THYN1: variants seen among roughly 807,000 people sequenced by gnomAD.
THYN1 encodes the protein thymocyte protein thy28.
In THYN1, 32 loss-of-function variants were observed where a neutral mutation model predicts 30.6. That is an observed-to-expected ratio of 1.05 (90% CI 0.79 to 1.40). The LOEUF (loss-of-function observed/expected upper bound fraction) is 1.40. Ranked by LOEUF, THYN1 falls within the 40% of genes most tolerant of loss-of-function variation. THYN1 has a pLI of 0.00. For synonymous variants in THYN1, 107 were observed against 90.8 expected (o/e 1.18, Z -1.01); for missense variants, 259 against 272.6 (o/e 0.95, Z 0.35).
chr11:134,249,758 T>C lies in THYN1; in HGVS notation c.384+70A>G, dbSNP rs1180563178. ...TTTTTTGTTGCCTAATTAAGGTATATCCCTTTATATCTACTTAAGTTAGTC... is the reference window on the plus strand; with the variant it reads ...TTTTTTGTTGCCTAATTAAGGTATACCCCTTTATATCTACTTAAGTTAGTC... On this transcript the variant is annotated intron_variant, in intron 4 of 6. Transcript: ENST00000341541. The C allele has an allele frequency of 4.1e-6, 6 of 1,462,512 alleles. No homozygotes were observed. The African/African-American group carries it at 4.2e-5, about 10-fold the overall frequency. The allele number at this position is 1,462,512 out of a possible 1,614,324, so 90.6% of individuals were successfully genotyped here.
rs1565361741 is a variant in THYN1 at position 134,248,891 on chromosome 11, T to C, written c.549A>G (p.Gln183=). The C allele has an allele frequency of 7.4e-6, 12 of 1,614,092 alleles. No individual in the cohort carries two copies. Among genetic ancestry groups the C allele is most frequent in the Non-Finnish European group, 1.0e-5 (12 of 1,180,038 alleles). ...IPLAELKSYH[Q]AHKATGGPLK... ...AGGGGCCACCAGTAGCTTTGTGAGC[T>C]TGATGATAGGATTTGAGCTCAGCCA... Residue 183 remains glutamine, a synonymous_variant, in exon 6 of 7, where the codon CAA becomes CAG. Coordinates refer to ENST00000341541, the MANE Select transcript of THYN1 (RefSeq NM_014174.3).
intron 1 of THYN1, among the ~76,000 whole-genome samples, chr11:134,252,472 A>C (rs551712404): frequency 6.6e-6 from 1 of 152,238 alleles, no homozygotes; most frequent in South Asian, 2.1e-4. Context: ...CTGGGCTCAA[A>C]TTCCACATCC....
At chr11:134,252,748 C>G (rs1939159403) in intron 1 of THYN1, 92 bp downstream of exon 1, 2 of 1,438,926 alleles carry the variant, frequency 1.4e-6, no homozygotes, top group East Asian at 2.3e-5. Flanking sequence ...AAAGGGTTCT[C>G]AAAAAGCAGG....
chr11:134,251,093 C>T, intron 2 of THYN1, 37 bp downstream of exon 2: 1 of 1,554,782 alleles, frequency 6.4e-7, no homozygotes, highest in Non-Finnish European at 8.7e-7. Context: ...ATTTAAAAAA[C>T]ACCATGAAGG....
chr11:134,249,999 T>G (rs1938976077), intron 3 of THYN1, 79 bp from the exon 4 acceptor site: 1 of 1,385,804 alleles, frequency 7.2e-7, no homozygotes, highest in Non-Finnish European at 1.0e-6. Flanking sequence ...AAGTCTGCTT[T>G]TAATAGATGG....
At position 134,249,193 on chromosome 11, in the gene THYN1, T is replaced by G. The variant is rs750490871; in HGVS notation, c.454A>C (p.Lys152Gln). Residue 152 changes from lysine (K) to glutamine (Q), a missense_variant, in exon 5 of 7, where the codon AAA (lysine) becomes CAA (glutamine). Physicochemically the swap from Lys to Gln is moderately conservative, Grantham distance 53. Coordinates refer to ENST00000341541, the MANE Select transcript of THYN1 (RefSeq NM_014174.3). Reference protein sequence around the residue: ...KNNPHYDPSSKEDNPKWSMVD... With the variant: ...KNNPHYDPSSQEDNPKWSMVD... ...ATGGACCACTTAGGGTTGTCCTCTT[T>G]GCTAGATGGGTCATAATGGGGATTG... 1 of 1,614,114 alleles carries G rather than the reference T, an allele frequency of 6.2e-7. No homozygotes were observed.
intron 3 of THYN1, 140 bp downstream of exon 3, chr11:134,250,135 G>T: frequency 9.9e-7 from 1 of 1,013,992 alleles, no homozygotes; most frequent in Non-Finnish European, 1.5e-6. Flanking sequence ...AGTACTTAAG[G>T]CATTTTTTAA....
At chr11:134,249,777 G>T in intron 4 of THYN1, 51 bp downstream of exon 4, 1 of 1,561,290 alleles carries the variant, frequency 6.4e-7, no homozygotes, top group Non-Finnish European at 8.8e-7. Flanking sequence ...ATCTACTTAA[G>T]TTAGTCTCCC....
intron 3 of THYN1, 46 bp downstream of exon 3, chr11:134,250,229 A>G: frequency 6.2e-7 from 1 of 1,603,896 alleles, no homozygotes; most frequent in African/African-American, 1.3e-5. Context: ...GGAGGCAGGC[A>G]TTCATCCCAC....
At chr11:134,250,146 T>C (rs1050257362) in intron 3 of THYN1, 129 bp downstream of exon 3, 5 of 1,071,452 alleles carry the variant, frequency 4.7e-6, no homozygotes, top group African/African-American at 1.6e-5. Context: ...CATTTTTTAA[T>C]ACATTATCAG....
At chr11:134,250,675 C>G (rs1386261529) in intron 2 of THYN1, among the ~76,000 whole-genome samples, 1 of 152,178 alleles carries the variant, frequency 6.6e-6, no homozygotes, top group Non-Finnish European at 1.5e-5. Context: ...CTGAAATATA[C>G]ATCAACTGTT....
chr11:134,250,123 A>C, intron 3 of THYN1, 152 bp downstream of exon 3: 1 of 954,198 alleles, frequency 1.0e-6, no homozygotes, highest in South Asian at 1.6e-5. Flanking sequence ...AATTTCATGC[A>C]GAGTACTTAA....
chr11:134,249,713 T>A (rs897860051), intron 4 of THYN1, 115 bp downstream of exon 4: 16 of 954,660 alleles, frequency 1.7e-5, no homozygotes, highest in Non-Finnish European at 2.5e-5. Flanking sequence ...AAAAGGGGGA[T>A]GGGGTGGGGG....
Position 134,248,308 on chromosome 11 carries a change from A to C in THYN1, c.*130T>G. On this transcript the variant is annotated 3_prime_UTR_variant, in exon 7 of 7. Coordinates refer to ENST00000341541, the MANE Select transcript of THYN1 (RefSeq NM_014174.3). Reference sequence around the variant, plus strand: ...TCAACTTTGATATTTTATTGAAAAAAGTACACAAAAACCACTGAGGTACAC... The same window carrying C: ...TCAACTTTGATATTTTATTGAAAAACGTACACAAAAACCACTGAGGTACAC... The C allele has an allele frequency of 9.4e-7, 1 of 1,065,556 alleles. No individual in the cohort carries two copies. The highest frequency in any genetic ancestry group is 2.0e-4 in the Middle Eastern group (1 of 4,988). The allele number at this position is 1,065,556 out of a possible 1,614,324, so 66.0% of individuals were successfully genotyped here.
At chr11:134,250,207 A>C (rs1324895274) in intron 3 of THYN1, 68 bp downstream of exon 3, 3 of 1,559,702 alleles carry the variant, frequency 1.9e-6, no homozygotes, top group Admixed American at 3.4e-5. Flanking sequence ...GCTACTGAGT[A>C]CGTCATGAGG....
intron 4 of THYN1, 149 bp from the exon 5 acceptor site, chr11:134,249,411 A>G (rs1938940825): frequency 1.4e-6 from 1 of 716,238 alleles, no homozygotes; most frequent in South Asian, 1.7e-5. Context: ...ATATTTGGAA[A>G]CAATATATAG....
At chr11:134,250,036 T>A (rs745750867) in intron 3 of THYN1, 116 bp from the exon 4 acceptor site, 10 of 1,110,180 alleles carry the variant, frequency 9.0e-6, no homozygotes, top group East Asian at 2.5e-5. Flanking sequence ...ACTCCTCAAT[T>A]CATTAGAAAG....
Position 134,252,829 on chromosome 11 carries a change from G to A in THYN1, c.43+11C>T, listed in dbSNP as rs1302563780. ...CTTGGGCTGCCTTTGTGCAGCCTAG[G>A]GGCAGCTCACCTGAACCAGAAGTCC... On this transcript the variant is annotated intron_variant, in intron 1 of 6. Coordinates refer to ENST00000341541, the MANE Select transcript of THYN1 (RefSeq NM_014174.3). 1.9e-6 allele frequency: 3 copies of A among 1,613,570 alleles called. No individual in the cohort carries two copies. The African/African-American group carries it at 4.0e-5, about 22-fold the overall frequency.
chr11:134,251,104 G>A (rs759270479), intron 2 of THYN1, 26 bp downstream of exon 2: 6 of 1,587,278 alleles, frequency 3.8e-6, no homozygotes, highest in Middle Eastern at 3.9e-4. Flanking sequence ...ACCATGAAGG[G>A]ACTGGAGACA....
Sources: allele counts gnomAD v4.1 joint callset (sites outside exome capture counted in the v4.1 genomes callset), GRCh38; gene constraint gnomAD v4.1.1; transcripts MANE v1.5; gene names NCBI Gene and HGNC (gene_info 2026-07-23, HGNC 2026-07-21).